The following NSUN6 variants were observed in gnomAD, a reference collection of about 807,000 sequenced individuals.
The protein encoded by NSUN6 is NOP2/Sun RNA methyltransferase 6.
NSUN6 carries 64 observed loss-of-function variants against 58.0 expected under a neutral mutation model. The ratio of observed to expected loss-of-function variants is 1.10; its 90% confidence interval spans 0.90 to 1.36. The LOEUF is 1.36. Among genes scored for constraint, NSUN6 ranks in the 40% most tolerant of loss-of-function variants. The pLI is 0.00. For missense variants in NSUN6, 701 were observed against 550.1 expected (o/e 1.27, Z -2.74); for synonymous variants, 231 against 193.9 (o/e 1.19, Z -1.59).
chr10:18,585,310 G>A (rs143919837), intron 8 of NSUN6, among the ~76,000 whole-genome samples: 42 of 152,230 alleles, frequency 2.8e-4, no homozygotes, highest in African/African-American at 1.0e-3. Context: ...TCCTACTACT[G>A]GGTATATAGA....
At chr10:18,650,696 G>GA (rs1160686084) in intron 1 of NSUN6, among the ~76,000 whole-genome samples, 1 of 151,946 alleles carries the variant, frequency 6.6e-6, no homozygotes, top group Non-Finnish European at 1.5e-5. Flanking sequence ...AAACCTCTAA[G>GA]AAAAAAAAGA....
intron 6 of NSUN6, among the ~76,000 whole-genome samples, chr10:18,597,743 G>A (rs937918563): frequency 2.8e-4 from 43 of 152,056 alleles, no homozygotes; most frequent in Admixed American, 2.0e-3. Context: ...TCCAGCCTGG[G>A]CAATAAGAGC....
At chr10:18,604,811 A>G (rs113426282) in intron 6 of NSUN6, among the ~76,000 whole-genome samples, 7,887 of 151,360 alleles carry the variant, frequency 0.052, 286 homozygotes, top group Non-Finnish European at 0.077. Flanking sequence ...GCTTAAACCC[A>G]GGAGGGGGAG....
rs572321938 is a variant in NSUN6 at position 18,574,349 on chromosome 10, A to T, written c.922+11600T>A. Among the ~76,000 whole-genome samples the T allele has an allele frequency of 8.1e-4, 124 of 152,294 alleles. 2 individuals carry two copies. Among genetic ancestry groups the T allele is most frequent in the African/African-American group, 2.8e-3 (116 of 41,574 alleles). The stretch of plus-strand genomic sequence containing the variant: ...CTCGAGAATCTTAAAGTATGAAGCC[A>T]TTATGTTAGAAAAGAATGATTTAAC... On this transcript the variant is annotated intron_variant, in intron 8 of 10. Coordinates refer to ENST00000377304, the MANE Select transcript of NSUN6 (RefSeq NM_182543.5).
At chr10:18,602,017 G>A (rs2057861784) in intron 6 of NSUN6, among the ~76,000 whole-genome samples, 1 of 151,892 alleles carries the variant, frequency 6.6e-6, no homozygotes, top group African/African-American at 2.4e-5. Flanking sequence ...TGCTGGGGGA[G>A]AGTGGCTTTG....
chr10:18,613,358 A>G (rs2058302684), intron 5 of NSUN6, among the ~76,000 whole-genome samples: 1 of 152,154 alleles, frequency 6.6e-6, no homozygotes, highest in South Asian at 2.1e-4. Flanking sequence ...TGGCCTCTCA[A>G]AGTGCTGGAA....
chr10:18,556,158 G>A (rs1295250507), intron 8 of NSUN6, among the ~76,000 whole-genome samples: 3 of 150,106 alleles, frequency 2.0e-5, no homozygotes, highest in Non-Finnish European at 4.4e-5. Context: ...ATGGAATGGA[G>A]AATGGAATGG....
intron 4 of NSUN6, among the ~76,000 whole-genome samples, chr10:18,615,378 G>C (rs111942482): frequency 3.9e-5 from 6 of 152,156 alleles, no homozygotes; most frequent in Admixed American, 3.9e-4. Context: ...CAGCCTATTA[G>C]CTAGAGCTAA....
At chr10:18,604,832 G>C (rs548172801) in intron 6 of NSUN6, among the ~76,000 whole-genome samples, 1 of 151,310 alleles carries the variant, frequency 6.6e-6, no homozygotes, top group Non-Finnish European at 1.5e-5. Flanking sequence ...GTTGCAGTGA[G>C]CCGAGATCGT....
chr10:18,557,930 G>A (rs558411565), intron 8 of NSUN6, among the ~76,000 whole-genome samples: 24 of 151,136 alleles, frequency 1.6e-4, no homozygotes, highest in African/African-American at 5.1e-4. Flanking sequence ...GAATGGAAGG[G>A]AAAATGGAGA....
At chr10:18,650,698 A>G (rs1288141838) in intron 1 of NSUN6, among the ~76,000 whole-genome samples, 1 of 152,218 alleles carries the variant, frequency 6.6e-6, no homozygotes, top group East Asian at 1.9e-4. Context: ...ACCTCTAAGA[A>G]AAAAAAGATT....
upstream of NSUN6, chr10:18,651,680 TC>T: frequency 3.0e-6 from 3 of 985,374 alleles, no homozygotes; most frequent in Non-Finnish European, 3.6e-6. Context: ...CCCTTTCCGG[TC>T]CCCCAATCCA....
At chr10:18,657,872 A>G (rs944921468), upstream of NSUN6, among the ~76,000 whole-genome samples, 4 of 152,074 alleles carry the variant, frequency 2.6e-5, no homozygotes, top group African/African-American at 9.7e-5. Flanking sequence ...TCAGCCTCCC[A>G]AAGTGCTGGG....
intron 3 of NSUN6, among the ~76,000 whole-genome samples, chr10:18,617,185 GTTTTT>G (rs35698731): frequency 7.8e-6 from 1 of 127,662 alleles, no homozygotes; most frequent in African/African-American, 2.9e-5. Context: ...AGCCTTTCTA[GTTTTT>G]TTTTTTTTTT....
At chr10:18,648,007 G>A (rs1306990147) in intron 2 of NSUN6, among the ~76,000 whole-genome samples, 1 of 152,116 alleles carries the variant, frequency 6.6e-6, no homozygotes, top group Non-Finnish European at 1.5e-5. Context: ...CCAAAATGCT[G>A]CGATTACAGG....
At chr10:18,552,869 T>C (rs2054697902) in intron 8 of NSUN6, among the ~76,000 whole-genome samples, 1 of 151,672 alleles carries the variant, frequency 6.6e-6, no homozygotes, top group Admixed American at 6.6e-5. Context: ...CCACATACCA[T>C]TCCATTCTCA....
chr10:18,651,434 G>C lies in NSUN6; in HGVS notation c.-231C>G. On this transcript the variant is annotated 5_prime_UTR_variant, in exon 1 of 11. Transcript: ENST00000377304. ...ACACCTCATCGAGGCAATGTTTTCT[G>C]GTAGAGATGCTCATGGAAATCACTG... 2 of 1,222,946 alleles carry C rather than the reference G, an allele frequency of 1.6e-6. No homozygotes were observed. Among genetic ancestry groups the C allele is most frequent in the Non-Finnish European group, 2.0e-6 (2 of 980,840 alleles). 75.8% of individuals were successfully genotyped at this position (1,222,946 alleles called of 1,614,324 possible). A position where few individuals can be genotyped will look rare whatever the true frequency, so the allele number is the denominator to read the frequency against.
intron 3 of NSUN6, among the ~76,000 whole-genome samples, chr10:18,639,845 C>G (rs1590174409): frequency 6.6e-6 from 1 of 152,328 alleles, no homozygotes; most frequent in Non-Finnish European, 1.5e-5. Flanking sequence ...GAAACATTAA[C>G]TGGTAAAACT....
chr10:18,564,401 CTCCATTCCATTCCATTCTCCGT>C lies in NSUN6; in HGVS notation c.923-12452_923-12431del, dbSNP rs539386729. On this transcript the variant is annotated intron_variant, in intron 8 of 10. Transcript: ENST00000377304. ...ATTCCATTCTCCCGTCCATTTTTCA[CTCCATTCCATTCCATTCTCCGT>C]TCCATTCCATTCCACTCTCTATTCC... Among the ~76,000 whole-genome samples the C allele has an allele frequency of 3.9e-3, 583 of 150,664 alleles. 4 individuals are homozygous for C. The highest frequency in any genetic ancestry group is 0.013 in the African/African-American group (532 of 41,204).
Sources: gnomAD v4.1 joint callset for allele counts (sites outside exome capture counted in the v4.1 genomes callset) on GRCh38, gnomAD v4.1.1 for gene constraint, MANE v1.5 for transcripts, NCBI Gene and HGNC (gene_info 2026-07-23, HGNC 2026-07-21) for gene names.